Variants in SGCZ observed in about 807,000 individuals in gnomAD.
SGCZ encodes sarcoglycan zeta.
SGCZ carries 40 observed loss-of-function variants against 41.3 expected under a neutral mutation model. The ratio of observed to expected loss-of-function variants is 0.97; its 90% confidence interval spans 0.75 to 1.26. The LOEUF (loss-of-function observed/expected upper bound fraction) is 1.26, where lower values mean the gene tolerates loss of function less well. Ranked by LOEUF, SGCZ falls within the 50% of genes most tolerant of loss-of-function variation. The pLI is 0.00. For synonymous variants in SGCZ, 206 were observed against 137.5 expected (o/e 1.50, Z -3.49); for missense variants, 552 against 369.8 (o/e 1.49, Z -4.04).
intron 2 of SGCZ, among the ~76,000 whole-genome samples, chr8:14,456,302 G>T (rs112293197): frequency 0.026 from 4,000 of 152,178 alleles, 198 homozygotes; most frequent in African/African-American, 0.092. Context: ...CAGCTACTTG[G>T]GGGGCTGAGG....
intron 1 of SGCZ, among the ~76,000 whole-genome samples, chr8:15,115,823 G>T (rs948333250): frequency 6.6e-6 from 1 of 152,210 alleles, no homozygotes; most frequent in Non-Finnish European, 1.5e-5. Context: ...AACTTTTTCT[G>T]CTGTAAAGCA....
At position 14,089,512 on chromosome 8, in the gene SGCZ, C is replaced by T. The variant is rs768659383; in HGVS notation, c.*931G>A. Among the ~76,000 whole-genome samples the T allele has an allele frequency of 1.3e-5, 2 of 151,882 alleles. No homozygotes were observed. Among genetic ancestry groups the T allele is most frequent in the African/African-American group, 4.8e-5 (2 of 41,366 alleles). On this transcript the variant is annotated 3_prime_UTR_variant, in exon 8 of 8. Coordinates refer to ENST00000382080, the MANE Select transcript of SGCZ (RefSeq NM_139167.4). ...GAATTTTAGCAGTCAGAATCAAGTG[C>T]AGAGTGAGTGGAGCAAACAAAAATT... is the stretch of plus-strand genomic sequence containing the variant.
intron 3 of SGCZ, among the ~76,000 whole-genome samples, chr8:14,287,179 T>G (rs1482487365): frequency 1.3e-5 from 2 of 151,572 alleles, no homozygotes; most frequent in African/African-American, 4.8e-5. Flanking sequence ...TGCAAATCAT[T>G]TCCTGTTTAC....
intron 5 of SGCZ, among the ~76,000 whole-genome samples, chr8:14,142,536 C>G (rs1028646580): frequency 6.6e-6 from 1 of 151,900 alleles, no homozygotes; most frequent in African/African-American, 2.4e-5. Context: ...GAGTCGTTTT[C>G]TGCTCAGTTT....
intron 4 of SGCZ, among the ~76,000 whole-genome samples, chr8:14,194,640 C>G (rs977003814): frequency 7.2e-5 from 11 of 151,760 alleles, no homozygotes; most frequent in African/African-American, 2.7e-4. Context: ...TTATGGGATC[C>G]AAGTTACTTT....
Position 14,967,412 on chromosome 8 carries a change from T to C in SGCZ, c.39+270173A>G, listed in dbSNP as rs569780198. On this transcript the variant is annotated intron_variant, in intron 1 of 7. Coordinates refer to ENST00000382080, the MANE Select transcript of SGCZ (RefSeq NM_139167.4). ...TATTTCCATGCATCTTCATGCTCAC[T>C]CTACTTTTTCCTCAGGTGATCCCAT... 2.0e-5 allele frequency among the ~76,000 whole-genome samples: 3 copies of C among 152,252 alleles called. No homozygotes were observed. In the South Asian group the frequency reaches 6.2e-4, roughly 32 times the overall value.
chr8:14,978,862 G>A (rs568476452), intron 1 of SGCZ, among the ~76,000 whole-genome samples: 17 of 152,192 alleles, frequency 1.1e-4, no homozygotes, highest in Admixed American at 2.6e-4. Flanking sequence ...GCAGTGGCAC[G>A]ATCTCAGCTC....
At chr8:14,731,629 CT>C (rs1320879311) in intron 1 of SGCZ, among the ~76,000 whole-genome samples, 6 of 152,164 alleles carry the variant, frequency 3.9e-5, no homozygotes, top group African/African-American at 1.4e-4. Flanking sequence ...ACATTTTCTT[CT>C]CCCTTGCTCT....
chr8:14,612,626 A>T lies in SGCZ; in HGVS notation c.40-57700T>A, dbSNP rs1002319705. Among the ~76,000 whole-genome samples the T allele has an allele frequency of 4.6e-5, 7 of 152,258 alleles. 1 individual carries two copies. The highest frequency in any genetic ancestry group is 4.6e-4 in the Admixed American group (7 of 15,286). ...AAAGAATTCAGATATTTTTATGAGG[A>T]CAGGTTTCTGCTTCAAAGATAACAG... On this transcript the variant is annotated intron_variant, in intron 1 of 7. Transcript: ENST00000382080.
intron 3 of SGCZ, among the ~76,000 whole-genome samples, chr8:14,278,279 T>C (rs1418393292): frequency 6.6e-6 from 1 of 152,194 alleles, no homozygotes; most frequent in East Asian, 1.9e-4. Flanking sequence ...GAGACCTCTA[T>C]GACCACGTGC....
At chr8:15,098,504 C>T (rs1025191542) in intron 1 of SGCZ, among the ~76,000 whole-genome samples, 12 of 152,176 alleles carry the variant, frequency 7.9e-5, no homozygotes, top group African/African-American at 2.9e-4. Flanking sequence ...CCACAATTTA[C>T]AGAAGAATGC....
intron 1 of SGCZ, among the ~76,000 whole-genome samples, chr8:15,037,640 A>C (rs2130970333): frequency 6.6e-6 from 1 of 152,316 alleles, no homozygotes; most frequent in Non-Finnish European, 1.5e-5. Context: ...TACACAAGAG[A>C]AACAAATAAG....
At chr8:14,841,188 G>GT (rs1439047993) in intron 1 of SGCZ, among the ~76,000 whole-genome samples, 1 of 151,946 alleles carries the variant, frequency 6.6e-6, no homozygotes, top group African/African-American at 2.4e-5. Context: ...CCCAAAAGAT[G>GT]TTAAAAACAG....
At chr8:14,474,699 C>G (rs1341649892) in intron 2 of SGCZ, among the ~76,000 whole-genome samples, 1 of 152,122 alleles carries the variant, frequency 6.6e-6, no homozygotes, top group East Asian at 1.9e-4. Context: ...ACTTTGAAAC[C>G]ATACTCAAAA....
At chr8:14,096,955 C>T (rs6986663) in intron 7 of SGCZ, among the ~76,000 whole-genome samples, 36,136 of 151,868 alleles carry the variant, frequency 0.24, 4,590 homozygotes, top group African/African-American at 0.3. Flanking sequence ...ATATCCCCTT[C>T]ATCATTTTTT....
At position 15,073,193 on chromosome 8, in the gene SGCZ, C is replaced by T. The variant is rs750705697; in HGVS notation, c.39+164392G>A. 1.8e-4 allele frequency among the ~76,000 whole-genome samples: 27 copies of T among 152,168 alleles called. 1 individual carries two copies. In the South Asian group the frequency reaches 2.1e-3, roughly 12 times the overall value. On this transcript the variant is annotated intron_variant, in intron 1 of 7. Transcript: ENST00000382080. ...ATCATGCTGTGTCATGGTGGGATCC[C>T]TTTTGGTGCTGTTATTTTTCACTCA...
chr8:14,673,332 C>T (rs1307475125), intron 1 of SGCZ, among the ~76,000 whole-genome samples: 1 of 152,236 alleles, frequency 6.6e-6, no homozygotes, highest in Middle Eastern at 3.4e-3. Context: ...GGTGGTTTCC[C>T]CCATGCTATT....
At position 14,554,892 on chromosome 8, in the gene SGCZ, T is replaced by C; in HGVS notation, c.74A>G (p.Gln25Arg). ...ATTCTCAGTCCTTGGCAGGTTATTCTGTTGGGTTGCTAGTATGTATTGTTC... is the reference window on the plus strand; with the variant it reads ...ATTCTCAGTCCTTGGCAGGTTATTCCGTTGGGTTGCTAGTATGTATTGTTC... ...TREQYILATQ[Q>R]NNLPRTENAQ... Residue 25 changes from glutamine to arginine, a missense_variant, in exon 2 of 8, where the codon CAG (glutamine) becomes CGG (arginine). By Grantham distance (43) the Gln-to-Arg change is conservative. Transcript: ENST00000382080. 6.2e-7 allele frequency: 1 copy of C among 1,612,880 alleles called. No individual in the cohort carries two copies. Among genetic ancestry groups the C allele is most frequent in the Admixed American group, 1.7e-5 (1 of 59,872 alleles).
intron 4 of SGCZ, among the ~76,000 whole-genome samples, chr8:14,230,469 G>C (rs1487216669): frequency 6.6e-6 from 1 of 152,058 alleles, no homozygotes; most frequent in Non-Finnish European, 1.5e-5. Flanking sequence ...ACCTGGAACG[G>C]ATGCCTGGAG....
Sources: allele counts gnomAD v4.1 joint callset (sites outside exome capture counted in the v4.1 genomes callset), GRCh38; gene constraint gnomAD v4.1.1; transcripts MANE v1.5; gene names NCBI Gene and HGNC (gene_info 2026-07-23, HGNC 2026-07-21).